MEI1: variants seen among roughly 807,000 people sequenced by gnomAD.
MEI1 encodes meiotic double-stranded break formation protein 1.
A neutral mutation model predicts 146.2 loss-of-function variants in MEI1; 103 were observed. That is an observed-to-expected ratio of 0.70 (90% CI 0.60 to 0.83). The LOEUF (loss-of-function observed/expected upper bound fraction) is 0.83. Ranked by LOEUF, MEI1 falls within the 40% of genes least tolerant of loss-of-function variation. The pLI, the probability that MEI1 is intolerant of heterozygous loss-of-function variation, is 0.00. For synonymous variants in MEI1, 652 were observed against 628.2 expected (o/e 1.04, Z -0.57); for missense variants, 1,529 against 1,533.0 (o/e 1.00, Z 0.04).
chr22:41,732,679 T>C, intron 11 of MEI1, 76 bp downstream of exon 11: 1 of 1,470,436 alleles, frequency 6.8e-7, no homozygotes, highest in Non-Finnish European at 9.1e-7. Flanking sequence ...GTAGCGGATA[T>C]TTAAGTATCC....
intron 1 of MEI1, among the ~76,000 whole-genome samples, chr22:41,702,853 G>T (rs565879627): frequency 3.3e-5 from 5 of 152,124 alleles, no homozygotes; most frequent in African/African-American, 1.2e-4. Context: ...CCGCCTCCCT[G>T]GGTTTACAGG....
chr22:41,707,670 CATGAATGGGAAGACTTAT>C (rs1375407861), intron 3 of MEI1, among the ~76,000 whole-genome samples: 15 of 152,122 alleles, frequency 9.9e-5, no homozygotes, highest in African/African-American at 2.9e-4. Context: ...GGGATACTTA[CATGAATGGGAAGACTTAT>C]ATGAATGGGA....
intron 26 of MEI1, 89 bp from the exon 27 acceptor site, chr22:41,793,739 TA>T: frequency 8.8e-7 from 1 of 1,136,890 alleles, no homozygotes. Flanking sequence ...GAAATCCAAG[TA>T]ACTCTGAAAA....
intron 3 of MEI1, among the ~76,000 whole-genome samples, chr22:41,708,924 C>A (rs911719334): frequency 6.6e-6 from 1 of 152,064 alleles, no homozygotes; most frequent in African/African-American, 2.4e-5. Context: ...TTTTCCATAC[C>A]ACAAGGCTTT....
At chr22:41,778,227 C>T (rs9623449) in intron 21 of MEI1, among the ~76,000 whole-genome samples, 12,298 of 152,216 alleles carry the variant, frequency 0.081, 1,367 homozygotes, top group African/African-American at 0.26. Context: ...CAAAAGGCCA[C>T]TCATCCCATT....
In MEI1 at chr22:41,795,627, C is replaced by A; in HGVS notation, c.3666+85C>A. On this transcript the variant is annotated intron_variant, in intron 29 of 30. Transcript: ENST00000401548. This position sits in a 1 kb window ranked among gnomAD's most constrained non-coding sequence, Gnocchi z 4.2. ...TCTTGGAGGGTGGGAGCTCTGGCCA[C>A]AGCAACCAAGGAATGGGAGGAGGGA... is the stretch of plus-strand genomic sequence containing the variant. 1 of 1,598,144 alleles carries A rather than the reference C, an allele frequency of 6.3e-7. No individual in the cohort carries two copies. The highest frequency in any genetic ancestry group is 8.5e-7 in the Non-Finnish European group (1 of 1,170,088).
At chr22:41,736,177 GTCTTC>G (rs1019174352) in intron 11 of MEI1, among the ~76,000 whole-genome samples, 13 of 151,734 alleles carry the variant, frequency 8.6e-5, no homozygotes, top group African/African-American at 3.1e-4. Context: ...TGACTACATT[GTCTTC>G]TCTTCTCTAT....
At chr22:41,746,079 G>T (rs2073262421) in intron 14 of MEI1, 53 bp downstream of exon 14, 4 of 1,504,732 alleles carry the variant, frequency 2.7e-6, no homozygotes, top group East Asian at 4.9e-5. Context: ...AGAAGAATGT[G>T]CAGGCGAGCC....
Position 41,723,936 on chromosome 22 carries a change from T to G in MEI1, c.734-7T>G, listed in dbSNP as rs1022436955. ...TTGCCTTACTTCCCAATCCCTTTGTTTCCTAGGTTTGCTGAGGCAGCTGTT... is the reference window on the plus strand; with the variant it reads ...TTGCCTTACTTCCCAATCCCTTTGTGTCCTAGGTTTGCTGAGGCAGCTGTT... On this transcript the variant is annotated splice_region_variant and splice_polypyrimidine_tract_variant and intron_variant, in intron 6 of 30. Coordinates refer to ENST00000401548, the MANE Select transcript of MEI1 (RefSeq NM_152513.4). 3 of 1,589,276 alleles carry G rather than the reference T, an allele frequency of 1.9e-6. No homozygotes were observed. In the African/African-American group the frequency reaches 4.0e-5, roughly 21 times the overall value.
intron 24 of MEI1, among the ~76,000 whole-genome samples, chr22:41,783,323 G>T (rs1371365992): frequency 2.0e-5 from 3 of 149,612 alleles, no homozygotes; most frequent in African/African-American, 7.4e-5. Context: ...ACAAAGTTTT[G>T]CTCTAGTTGC....
chr22:41,706,513 ATTGG>A (rs1402427974), intron 3 of MEI1, among the ~76,000 whole-genome samples: 2 of 152,112 alleles, frequency 1.3e-5, no homozygotes, highest in Non-Finnish European at 2.9e-5. Context: ...TACATCTCGT[ATTGG>A]TTCATTGAAA....
intron 30 of MEI1, among the ~76,000 whole-genome samples, chr22:41,796,144 C>G (rs549286296): frequency 2.4e-4 from 36 of 152,182 alleles, no homozygotes; most frequent in East Asian, 5.8e-4. Flanking sequence ...ATATTAAGTT[C>G]CTACAGAAAG....
At chr22:41,762,548 TGA>T (rs1491334795) in intron 18 of MEI1, among the ~76,000 whole-genome samples, 3 of 142,794 alleles carry the variant, frequency 2.1e-5, no homozygotes, top group East Asian at 4.0e-4. Context: ...CTAATTTAAC[TGA>T]TTTTTTTTTT....
chr22:41,700,939 C>CTT (rs530432136), intron 1 of MEI1, among the ~76,000 whole-genome samples: 1,773 of 129,582 alleles, frequency 0.014, 34 homozygotes, highest in Admixed American at 0.049. Flanking sequence ...TTCTTTCTTT[C>CTT]TTTTTTTTTT....
chr22:41,791,556 A>ACTCC (rs2076183406), intron 26 of MEI1, among the ~76,000 whole-genome samples: 1 of 152,162 alleles, frequency 6.6e-6, no homozygotes, highest in Non-Finnish European at 1.5e-5. Flanking sequence ...GCCTGGAGGT[A>ACTCC]AGGCAACTGG....
At chr22:41,710,621 G>A (rs2069466189) in intron 3 of MEI1, among the ~76,000 whole-genome samples, 1 of 152,158 alleles carries the variant, frequency 6.6e-6, no homozygotes, top group Non-Finnish European at 1.5e-5. Flanking sequence ...ATAGAGTATG[G>A]GATAAGGGCA....
Position 41,716,176 on chromosome 22 carries a change from A to T in MEI1, c.529+30A>T, listed in dbSNP as rs989218032. On this transcript the variant is annotated intron_variant, in intron 5 of 30. Transcript: ENST00000401548. ...GTGACCTGTGGGAGGAGCTGCCACTACCCTTTTACCTGCTTTTATCATACT... is the reference window on the plus strand; with the variant it reads ...GTGACCTGTGGGAGGAGCTGCCACTTCCCTTTTACCTGCTTTTATCATACT... The T allele has an allele frequency of 4.9e-6, 7 of 1,442,000 alleles. No individual in the cohort carries two copies. The East Asian group carries it at 7.1e-5, about 15-fold the overall frequency. The allele number at this position is 1,442,000 out of a possible 1,614,324, so 89.3% of individuals were successfully genotyped here.
At chr22:41,799,168 TCTTGA>T in intron 30 of MEI1, 81 bp from the exon 31 acceptor site, 1 of 1,305,404 alleles carries the variant, frequency 7.7e-7, no homozygotes, top group Non-Finnish European at 1.1e-6. Context: ...GCCTGACCAT[TCTTGA>T]CTGTTTTGGG....
At chr22:41,748,553 T>G (rs1393358275) in intron 15 of MEI1, among the ~76,000 whole-genome samples, 1 of 152,150 alleles carries the variant, frequency 6.6e-6, no homozygotes, top group Non-Finnish European at 1.5e-5. Context: ...CTGAGAGTTT[T>G]CAGTAACATT....
Sources: allele counts gnomAD v4.1 joint callset (sites outside exome capture counted in the v4.1 genomes callset), GRCh38; gene constraint gnomAD v4.1.1; non-coding constraint Gnocchi (gnomAD v3.1); transcripts MANE v1.5; gene names NCBI Gene and HGNC (gene_info 2026-07-23, HGNC 2026-07-21).